FAM149B1: variants seen among roughly 807,000 people sequenced by gnomAD.
FAM149B1 encodes the protein primary cilium assembly protein FAM149B1.
In FAM149B1, 56 loss-of-function variants were observed where a neutral mutation model predicts 75.3. The observed-to-expected ratio is 0.74, with a 90% CI of 0.60 to 0.93. The LOEUF (loss-of-function observed/expected upper bound fraction) is 0.93. Ranked by LOEUF, FAM149B1 falls within the 40% of genes least tolerant of loss-of-function variation. The pLI is 0.00. For synonymous variants in FAM149B1, 259 were observed against 256.1 expected (o/e 1.01, Z -0.11); for missense variants, 639 against 708.4 (o/e 0.90, Z 1.11).
In FAM149B1 at chr10:73,243,946, C is replaced by A; in HGVS notation, c.*2927C>A. 6.2e-7 allele frequency: 1 copy of A among 1,610,200 alleles called. No homozygotes were observed. The highest frequency in any genetic ancestry group is 8.5e-7 in the Non-Finnish European group (1 of 1,177,740). On this transcript the variant is annotated 3_prime_UTR_variant, in exon 14 of 14. Transcript: ENST00000242505. ...TTCCTGAGCCTGAAACAGGAACTCA[C>A]ATGAGACTCAGGGCCACCAGGAAAT...
intron 3 of FAM149B1, among the ~76,000 whole-genome samples, chr10:73,181,394 A>G (rs1467467243): frequency 6.6e-6 from 1 of 152,102 alleles, no homozygotes; most frequent in East Asian, 1.9e-4. Flanking sequence ...TACAGCTGTA[A>G]ACTTCCCTCC....
At chr10:73,224,687 G>T (rs1391682283) in intron 7 of FAM149B1, among the ~76,000 whole-genome samples, 1 of 151,874 alleles carries the variant, frequency 6.6e-6, no homozygotes, top group Non-Finnish European at 1.5e-5. Context: ...GGCCAGGCTG[G>T]TCTCGAACTC....
Position 73,174,755 on chromosome 10 carries a change from C to A in FAM149B1, c.116C>A (p.Thr39Asn). The change falls in exon 2 of 14, where the codon ACC becomes AAC. Residue 39 changes from threonine (T) to asparagine (N), a missense_variant. Coordinates refer to ENST00000242505, the MANE Select transcript of FAM149B1 (RefSeq NM_173348.2). ...GAGAAGCTGGAGGAAATTTCCCCCA[C>A]CAGTGACAGTCATGAGAAAGACACA... ...PPEKLEEISPTSDSHEKDTSS... is the reference protein window; with the variant it reads ...PPEKLEEISPNSDSHEKDTSS... 6.4e-7 allele frequency: 1 copy of A among 1,551,138 alleles called. No homozygotes were observed. The highest frequency in any genetic ancestry group is 8.7e-7 in the Non-Finnish European group (1 of 1,146,522).
chr10:73,189,787 G>A (rs538490290), intron 3 of FAM149B1, among the ~76,000 whole-genome samples: 2 of 152,348 alleles, frequency 1.3e-5, no homozygotes, highest in African/African-American at 4.8e-5. Context: ...AGGAATGTTA[G>A]TTACTAGGGT....
intron 10 of FAM149B1, among the ~76,000 whole-genome samples, chr10:73,233,893 A>G (rs1175558226): frequency 6.6e-6 from 1 of 152,226 alleles, no homozygotes; most frequent in African/African-American, 2.4e-5. Context: ...ATTGACAATG[A>G]AAACTTCATA....
chr10:73,233,028 C>A lies in FAM149B1; in HGVS notation c.1217C>A (p.Thr406Lys). 6.4e-7 allele frequency: 1 copy of A among 1,551,632 alleles called. No homozygotes were observed. The highest frequency in any genetic ancestry group is 2.0e-5 in the Admixed American group (1 of 50,994). ...NWPNRAVEFS[T>K]SSLSYTVQST... Reference sequence around the variant, plus strand: ...CCAAATCGAGCTGTGGAGTTTAGTACATCATCTCTGTCATACACAGTGCAG... The same window carrying A: ...CCAAATCGAGCTGTGGAGTTTAGTAAATCATCTCTGTCATACACAGTGCAG... Residue 406 changes from threonine to lysine, a missense_variant, in exon 10 of 14, where the codon ACA (threonine) becomes AAA (lysine). Coordinates refer to ENST00000242505, the MANE Select transcript of FAM149B1 (RefSeq NM_173348.2).
At chr10:73,174,934 T>C (rs1245968517) in intron 2 of FAM149B1, 143 bp downstream of exon 2, 4 of 587,796 alleles carry the variant, frequency 6.8e-6, no homozygotes, top group Non-Finnish European at 1.2e-5. Flanking sequence ...CATTTAGTTT[T>C]CATTCTGAAA....
intron 3 of FAM149B1, among the ~76,000 whole-genome samples, chr10:73,185,699 A>G (rs1200472540): frequency 1.3e-5 from 2 of 152,230 alleles, no homozygotes; most frequent in Non-Finnish European, 2.9e-5. Context: ...AATTCATTCT[A>G]TGAGACCAGT....
chr10:73,217,581 A>C (rs11498024), intron 7 of FAM149B1, among the ~76,000 whole-genome samples: 23,425 of 152,208 alleles, frequency 0.15, 2,960 homozygotes, highest in African/African-American at 0.32. Flanking sequence ...TTCTTAGAAG[A>C]ATACAGTTCC....
chr10:73,202,949 T>C lies in FAM149B1; in HGVS notation c.543-5670T>C, dbSNP rs911006139. Among the ~76,000 whole-genome samples the C allele has an allele frequency of 3.9e-5, 6 of 152,284 alleles. No homozygotes were observed. The East Asian group carries it at 7.7e-4, about 20-fold the overall frequency. Reference sequence around the variant, plus strand: ...ATCTCCATCCCAGTGCCACCTGCCATGGTTAAGGATCTTATCTGTTTACCA... The same window carrying C: ...ATCTCCATCCCAGTGCCACCTGCCACGGTTAAGGATCTTATCTGTTTACCA... On this transcript the variant is annotated intron_variant, in intron 5 of 13. Coordinates refer to ENST00000242505, the MANE Select transcript of FAM149B1 (RefSeq NM_173348.2).
chr10:73,181,873 A>G (rs529158157), intron 3 of FAM149B1, among the ~76,000 whole-genome samples: 15 of 152,290 alleles, frequency 9.8e-5, no homozygotes, highest in Admixed American at 3.3e-4. Flanking sequence ...ATTGGGACCT[A>G]TATCTCTCTT....
chr10:73,213,380 C>T (rs2043232626), intron 7 of FAM149B1, among the ~76,000 whole-genome samples: 2 of 152,248 alleles, frequency 1.3e-5, no homozygotes, highest in South Asian at 2.1e-4. Context: ...CTTTTGAAGA[C>T]TTGGTCTTAA....
At position 73,170,052 on chromosome 10, in the gene FAM149B1, A is replaced by T. The variant is rs547796201; in HGVS notation, c.47+1666A>T. On this transcript the variant is annotated intron_variant, in intron 1 of 13. Transcript: ENST00000242505. ...TTAATTATTAACTATTTAATTTATT[A>T]AATATTAATTATGCACATACATGAT... Among the ~76,000 whole-genome samples the T allele has an allele frequency of 1.9e-3, 277 of 148,940 alleles. 3 individuals are homozygous for T. Among genetic ancestry groups the T allele is most frequent in the African/African-American group, 6.6e-3 (261 of 39,498 alleles).
At chr10:73,192,765 A>T in intron 4 of FAM149B1, 67 bp downstream of exon 4, 1 of 1,364,986 alleles carries the variant, frequency 7.3e-7, no homozygotes. Flanking sequence ...AGATTTAAAA[A>T]AAAAGCTTGT....
chr10:73,201,943 T>C (rs2042948633), intron 5 of FAM149B1, among the ~76,000 whole-genome samples: 1 of 152,082 alleles, frequency 6.6e-6, no homozygotes, highest in Non-Finnish European at 1.5e-5. Context: ...GATGGGCAGA[T>C]AACCTGAGGT....
intron 5 of FAM149B1, among the ~76,000 whole-genome samples, chr10:73,194,406 T>A (rs978359163): frequency 7.9e-5 from 12 of 152,318 alleles, no homozygotes; most frequent in Admixed American, 4.6e-4. Context: ...TTATTTATTT[T>A]TTTTGAGACG....
chr10:73,192,948 G>A (rs1451793456), intron 4 of FAM149B1, among the ~76,000 whole-genome samples: 1 of 152,166 alleles, frequency 6.6e-6, no homozygotes, highest in Admixed American at 6.5e-5. Flanking sequence ...TGAGGTCTGA[G>A]TATCTGAGTA....
At position 73,235,236 on chromosome 10, in the gene FAM149B1, A is replaced by C. The variant is rs1443786123; in HGVS notation, c.1520A>C (p.Asp507Ala). 6.4e-7 allele frequency: 1 copy of C among 1,551,668 alleles called. No individual in the cohort carries two copies. Among genetic ancestry groups the C allele is most frequent in the Admixed American group, 2.0e-5 (1 of 50,972 alleles). The change falls in exon 12 of 14, where the codon GAT (aspartate) becomes GCT (alanine). Residue 507 changes from aspartate to alanine, a missense_variant. Asp to Ala is a moderately radical substitution (Grantham distance 126). Coordinates refer to ENST00000242505, the MANE Select transcript of FAM149B1 (RefSeq NM_173348.2). ...AGTCGAGCTCAAAGTGCGGTGGTGG[A>C]TGAACCTAACTATCAGCAGCCACAA... is the stretch of plus-strand genomic sequence containing the variant. Reference protein sequence around the residue: ...DSSRAQSAVVDEPNYQQPQER... With the variant: ...DSSRAQSAVVAEPNYQQPQER...
Position 73,200,833 on chromosome 10 carries a change from G to A in FAM149B1, c.542+7240G>A, listed in dbSNP as rs927744089. 3 of 508,984 alleles carry A rather than the reference G, an allele frequency of 5.9e-6. No individual in the cohort carries two copies. In the Admixed American group the frequency reaches 6.5e-5, roughly 11 times the overall value. 31.5% of individuals were successfully genotyped at this position (508,984 alleles called of 1,614,324 possible). ...TGTACAAGGCACCATTAAACAGGCT[G>A]TTATTTTTCTCAATACAAGGTGCAA... On this transcript the variant is annotated intron_variant, in intron 5 of 13. Transcript: ENST00000242505.
Sources: gnomAD v4.1 joint callset for allele counts (sites outside exome capture counted in the v4.1 genomes callset) on GRCh38, gnomAD v4.1.1 for gene constraint, MANE v1.5 for transcripts, NCBI Gene and HGNC (gene_info 2026-07-23, HGNC 2026-07-21) for gene names.